The following RPE65 variants were observed in gnomAD, a reference collection of about 807,000 sequenced individuals.
The protein encoded by RPE65 is retinoid isomerohydrolase.
In RPE65, 58 loss-of-function variants were observed where a neutral mutation model predicts 68.5. The observed-to-expected ratio is 0.85, with a 90% confidence interval of 0.69 to 1.05. The LOEUF (loss-of-function observed/expected upper bound fraction) is 1.05. Ranked by LOEUF, RPE65 falls within the 50% of genes least tolerant of loss-of-function variation. RPE65 has a pLI of 0.00. For synonymous variants in RPE65, 220 were observed against 222.2 expected, an observed-to-expected ratio of 0.99 and a Z score of 0.09; for missense variants, 643 against 629.9, an observed-to-expected ratio of 1.02 and a Z score of -0.22.
In RPE65 at chr1:68,441,140, C is replaced by T. The variant is rs1442019127; in HGVS notation, c.496-140G>A. On this transcript the variant is annotated intron_variant, in intron 5 of 13. Coordinates refer to ENST00000262340, the MANE Select transcript of RPE65 (RefSeq NM_000329.3). The stretch of plus-strand genomic sequence containing the variant: ...TTTCTTCCCATCTCTCTGGATTCTA[C>T]CCTCTTTCACCTTGAGTTCCCACCT... 7.1e-6 allele frequency: 7 copies of T among 989,458 alleles called. No homozygotes were observed. The Admixed American group carries it at 1.6e-4, about 22-fold the overall frequency. 61.3% of individuals were successfully genotyped at this position (989,458 alleles called of 1,614,324 possible). A position where few individuals can be genotyped will look rare whatever the true frequency, so the allele number is the denominator to read the frequency against.
At chr1:68,434,740 T>C (rs183122161) in intron 10 of RPE65, among the ~76,000 whole-genome samples, 11 of 152,198 alleles carry the variant, frequency 7.2e-5, no homozygotes, top group African/African-American at 2.6e-4. Context: ...TTTGTTTGTT[T>C]GTTTCTTGAG....
Position 68,431,488 on chromosome 1 carries a change from A to G in RPE65, c.1226T>C (p.Phe409Ser). Residue 409 changes from phenylalanine (F) to serine (S), a missense_variant, in exon 11 of 14, where the codon TTT (phenylalanine) becomes TCT (serine). Transcript: ENST00000262340. ...CATCTCACCTTGACGAGGCCCTGAAAAGAGAACTTCAGGCTCCAGCCAGAT... is the reference window on the plus strand; with the variant it reads ...CATCTCACCTTGACGAGGCCCTGAAGAGAGAACTTCAGGCTCCAGCCAGAT... ...ETIWLEPEVLFSGPRQAFEFP... is the reference protein window; with the variant it reads ...ETIWLEPEVLSSGPRQAFEFP... 1 of 1,613,924 alleles carries G rather than the reference A, an allele frequency of 6.2e-7. No homozygotes were observed. The highest frequency in any genetic ancestry group is 1.1e-5 in the South Asian group (1 of 91,074).
intron 5 of RPE65, among the ~76,000 whole-genome samples, chr1:68,444,170 CATGA>C: frequency 6.6e-6 from 1 of 152,202 alleles, no homozygotes; most frequent in Middle Eastern, 3.4e-3. Context: ...GTATTTGTGT[CATGA>C]ATGAATGAAT....
intron 10 of RPE65, among the ~76,000 whole-genome samples, chr1:68,432,106 T>G (rs535095468): frequency 2.0e-3 from 309 of 151,618 alleles, no homozygotes; most frequent in Non-Finnish European, 3.3e-3. Flanking sequence ...TCCTAAGATC[T>G]CTTGTCACAC....
intron 6 of RPE65, 105 bp from the exon 7 acceptor site, chr1:68,439,747 T>C: frequency 1.2e-6 from 1 of 861,498 alleles, no homozygotes; most frequent in Middle Eastern, 2.2e-4. Context: ...ATTTTGATTG[T>C]TTTAGAGGGG....
intron 10 of RPE65, among the ~76,000 whole-genome samples, chr1:68,433,580 G>A (rs937125869): frequency 5.9e-5 from 9 of 152,152 alleles, no homozygotes; most frequent in East Asian, 5.8e-4. Flanking sequence ...GTGTGGAGGC[G>A]GGAAGTGGGA....
chr1:68,439,736 C>T (rs1645887180), intron 6 of RPE65, 94 bp from the exon 7 acceptor site: 2 of 970,298 alleles, frequency 2.1e-6, no homozygotes, highest in East Asian at 4.9e-5. Context: ...CAAAGAAACA[C>T]ATTTTGATTG....
chr1:68,433,868 G>A (rs1480008003), intron 10 of RPE65, among the ~76,000 whole-genome samples: 4 of 152,030 alleles, frequency 2.6e-5, no homozygotes, highest in African/African-American at 9.7e-5. Flanking sequence ...GAAAGTGTTT[G>A]TAATTATTGA....
intron 10 of RPE65, among the ~76,000 whole-genome samples, chr1:68,436,554 T>C (rs3125899): frequency 0.54 from 82,159 of 151,608 alleles, 24,924 homozygotes; most frequent in East Asian, 0.88. Flanking sequence ...CTGCAACCTC[T>C]GCCTCCTGGG....
At chr1:68,434,709 A>G (rs996197940) in intron 10 of RPE65, among the ~76,000 whole-genome samples, 1 of 150,828 alleles carries the variant, frequency 6.6e-6, no homozygotes, top group African/African-American at 2.5e-5. Context: ...TCATTGTTAA[A>G]TTAGATTTCC....
At chr1:68,439,368 T>C (rs756514758) in intron 7 of RPE65, 45 bp from the exon 8 acceptor site, 2 of 1,610,078 alleles carry the variant, frequency 1.2e-6, no homozygotes, top group African/African-American at 1.3e-5. Flanking sequence ...GGGCTGATTC[T>C]CAAGCCACAG....
At position 68,431,092 on chromosome 1, in the gene RPE65, G is replaced by A. The variant is rs1277991141; in HGVS notation, c.1423C>T (p.His475Tyr). 5 of 1,613,738 alleles carry A rather than the reference G, an allele frequency of 3.1e-6. No homozygotes were observed. The South Asian group carries it at 5.5e-5, about 18-fold the overall frequency. Reference protein sequence around the residue: ...SYPSEPIFVSHPDALEEDDGV... With the variant: ...SYPSEPIFVSYPDALEEDDGV... ...TCATCTTCTTCCAAGGCATCTGGGTGAGAAACAAAGATGGGTTCTGATGGG... is the reference window on the plus strand; with the variant it reads ...TCATCTTCTTCCAAGGCATCTGGGTAAGAAACAAAGATGGGTTCTGATGGG... Residue 475 changes from histidine to tyrosine, a missense_variant, in exon 13 of 14, where the codon CAC becomes TAC. Coordinates refer to ENST00000262340, the MANE Select transcript of RPE65 (RefSeq NM_000329.3).
intron 2 of RPE65, among the ~76,000 whole-genome samples, chr1:68,447,599 C>A (rs976147043): frequency 2.0e-5 from 3 of 152,174 alleles, no homozygotes; most frequent in Admixed American, 2.0e-4. Context: ...CGGTGGCTCG[C>A]GCTTGTAATC....
In RPE65 at chr1:68,438,931, T is replaced by A. The variant is rs1429509346; in HGVS notation, c.998+11A>T. 1 of 1,614,062 alleles carries A rather than the reference T, an allele frequency of 6.2e-7. No individual in the cohort carries two copies. The highest frequency in any genetic ancestry group is 1.3e-5 in the African/African-American group (1 of 75,036). ...TGGGAGGTGTCCCATTTGTCCAGTG[T>A]CCTTTCTTACCCTTTCCAGCAGCAG... On this transcript the variant is annotated intron_variant, in intron 9 of 13. Coordinates refer to ENST00000262340, the MANE Select transcript of RPE65 (RefSeq NM_000329.3).
At chr1:68,441,966 A>C (rs1306758795) in intron 5 of RPE65, among the ~76,000 whole-genome samples, 1 of 152,174 alleles carries the variant, frequency 6.6e-6, no homozygotes, top group East Asian at 1.9e-4. Context: ...CTTTGCTTTC[A>C]AGAACTTCAT....
At chr1:68,429,981 A>G (rs1645814725) in intron 13 of RPE65, 54 bp from the exon 14 acceptor site, 1 of 1,600,544 alleles carries the variant, frequency 6.2e-7, no homozygotes, top group African/African-American at 1.3e-5. Flanking sequence ...CCCAAGCTAT[A>G]GATTGAATGT....
In RPE65 at chr1:68,437,735, C is replaced by T. The variant is rs570241951; in HGVS notation, c.1128+452G>A. Among the ~76,000 whole-genome samples the T allele has an allele frequency of 7.2e-5, 11 of 152,120 alleles. No individual in the cohort carries two copies. In the South Asian group the frequency reaches 2.3e-3, roughly 32 times the overall value. Reference sequence around the variant, plus strand: ...TCTATTGTTAGTAATGATTTTTAACCTCTAGTGATATTTTTCAGAAGATTT... The same window carrying T: ...TCTATTGTTAGTAATGATTTTTAACTTCTAGTGATATTTTTCAGAAGATTT... On this transcript the variant is annotated intron_variant, in intron 10 of 13. Transcript: ENST00000262340.
At chr1:68,449,642 A>G (rs1237015979) in intron 1 of RPE65, among the ~76,000 whole-genome samples, 1 of 152,160 alleles carries the variant, frequency 6.6e-6, no homozygotes, top group African/African-American at 2.4e-5. Context: ...AGTGGAGCCC[A>G]AGTCTGTCTG....
Position 68,445,704 on chromosome 1 carries a change from C to T in RPE65, c.246-821G>A, listed in dbSNP as rs574890775. On this transcript the variant is annotated intron_variant, in intron 3 of 13. Transcript: ENST00000262340. ...AATTTTTCTGTATTTTTAGTAGAGA[C>T]GGGGTTTCACCATGCTAGCCAGGCT... Among the ~76,000 whole-genome samples the T allele has an allele frequency of 1.6e-4, 25 of 152,056 alleles. No individual in the cohort carries two copies. The South Asian group carries it at 3.1e-3, about 19-fold the overall frequency.
Sources: allele counts gnomAD v4.1 joint callset (sites outside exome capture counted in the v4.1 genomes callset), GRCh38; gene constraint gnomAD v4.1.1; transcripts MANE v1.5; gene names NCBI Gene and HGNC (gene_info 2026-07-23, HGNC 2026-07-21).